The following RAP1GDS1 variants were observed in gnomAD, a reference collection of about 807,000 sequenced individuals.
RAP1GDS1 encodes RAP1, GTP-GDP dissociation stimulator 1.
Under a neutral mutation model 71.1 loss-of-function variants are expected in RAP1GDS1, and 35 were observed. The observed-to-expected ratio is 0.49, with a 90% CI of 0.38 to 0.65. RAP1GDS1 has a LOEUF of 0.65. Ranked by LOEUF, RAP1GDS1 falls within the 30% of genes least tolerant of loss-of-function variation. The probability of loss-of-function intolerance (pLI) is 0.00; values close to 1 mark genes in which losing one functional copy is unlikely to be tolerated. For missense variants in RAP1GDS1, 663 were observed against 706.1 expected, an observed-to-expected ratio of 0.94 and a Z score of 0.69; for synonymous variants, 229 against 243.1, an observed-to-expected ratio of 0.94 and a Z score of 0.54.
intron 1 of RAP1GDS1, among the ~76,000 whole-genome samples, chr4:98,267,516 C>T (rs377707268): frequency 6.6e-6 from 1 of 152,070 alleles, no homozygotes; most frequent in Admixed American, 6.5e-5. Flanking sequence ...TCTAGTAGTC[C>T]CCAGTATCTG....
intron 7 of RAP1GDS1, among the ~76,000 whole-genome samples, chr4:98,407,840 T>A (rs867805561): frequency 2.5e-4 from 38 of 150,786 alleles, no homozygotes; most frequent in Middle Eastern, 3.4e-3. Flanking sequence ...TTAAAAAAAA[T>A]AATAATAAGC....
chr4:98,395,534 A>T (rs1744403054), intron 6 of RAP1GDS1, among the ~76,000 whole-genome samples: 1 of 152,232 alleles, frequency 6.6e-6, no homozygotes, highest in South Asian at 2.1e-4. Context: ...AGTCAAAGGC[A>T]GGGAATGGTT....
chr4:98,406,787 T>A (rs1450987438), intron 7 of RAP1GDS1, among the ~76,000 whole-genome samples: 1 of 152,140 alleles, frequency 6.6e-6, no homozygotes, highest in Non-Finnish European at 1.5e-5. Flanking sequence ...ATACAAAGTA[T>A]TTCTTTGACC....
At chr4:98,281,088 T>C (rs1725014384) in intron 1 of RAP1GDS1, among the ~76,000 whole-genome samples, 1 of 152,216 alleles carries the variant, frequency 6.6e-6, no homozygotes, top group Non-Finnish European at 1.5e-5. Flanking sequence ...GTCTTGGCAA[T>C]GTGGGCTCTT....
chr4:98,284,141 G>T (rs1264740876), intron 1 of RAP1GDS1, among the ~76,000 whole-genome samples: 1 of 152,076 alleles, frequency 6.6e-6, no homozygotes, highest in Non-Finnish European at 1.5e-5. Context: ...ATTACAGTCA[G>T]ATAATAATAT....
At chr4:98,441,052 G>C (rs565611698) in intron 14 of RAP1GDS1, among the ~76,000 whole-genome samples, 1 of 152,302 alleles carries the variant, frequency 6.6e-6, no homozygotes, top group South Asian at 2.1e-4. Context: ...TTTGTAGTAA[G>C]TTTTGATATC....
At chr4:98,365,744 G>T (rs1360151537) in intron 4 of RAP1GDS1, among the ~76,000 whole-genome samples, 3 of 152,032 alleles carry the variant, frequency 2.0e-5, no homozygotes, top group Admixed American at 6.6e-5. Flanking sequence ...TATCACTTTT[G>T]TTCGATTTTT....
intron 2 of RAP1GDS1, among the ~76,000 whole-genome samples, chr4:98,300,812 A>G (rs1240469437): frequency 1.3e-5 from 2 of 152,190 alleles, no homozygotes; most frequent in African/African-American, 4.8e-5. Context: ...TTTGGAACCA[A>G]ACTCACAATA....
chr4:98,349,316 A>G (rs1178357888), intron 3 of RAP1GDS1, among the ~76,000 whole-genome samples: 4 of 152,066 alleles, frequency 2.6e-5, no homozygotes, highest in Non-Finnish European at 5.9e-5. Context: ...GTTCTGTTCC[A>G]TTGGTCTAGC....
At chr4:98,353,500 A>G (rs1051673683) in intron 4 of RAP1GDS1, among the ~76,000 whole-genome samples, 2 of 152,342 alleles carry the variant, frequency 1.3e-5, no homozygotes, top group Admixed American at 1.3e-4. Flanking sequence ...CCAGAAAGAA[A>G]GGACATAAAT....
chr4:98,442,423 A>T lies in RAP1GDS1; in HGVS notation c.*306A>T. Reference sequence around the variant, plus strand: ...GATGTAAACTTGGTACTACATAATGACTTGCTCCACACATGCAGTAAACTA... The same window carrying T: ...GATGTAAACTTGGTACTACATAATGTCTTGCTCCACACATGCAGTAAACTA... On this transcript the variant is annotated 3_prime_UTR_variant, in exon 15 of 15. Transcript: ENST00000408927. The T allele has an allele frequency of 3.7e-6, 1 of 268,410 alleles. No homozygotes were observed. The allele number at this position is 268,410 out of a possible 1,614,324, so 16.6% of individuals were successfully genotyped here.
chr4:98,419,905 A>G, intron 10 of RAP1GDS1, 114 bp from the exon 11 acceptor site: 2 of 1,127,678 alleles, frequency 1.8e-6, no homozygotes, highest in Non-Finnish European at 2.4e-6. Context: ...GATTGTTTCT[A>G]AATGGAAAAA....
At chr4:98,327,266 C>T (rs371816194) in intron 2 of RAP1GDS1, among the ~76,000 whole-genome samples, 16 of 151,900 alleles carry the variant, frequency 1.1e-4, no homozygotes, top group African/African-American at 3.6e-4. Flanking sequence ...AATACATGTG[C>T]CATGATAAAC....
chr4:98,279,829 G>C (rs997367116), intron 1 of RAP1GDS1, among the ~76,000 whole-genome samples: 1 of 152,064 alleles, frequency 6.6e-6, no homozygotes, highest in African/African-American at 2.4e-5. Flanking sequence ...TCATTGTTCA[G>C]TTCCCACCTA....
intron 14 of RAP1GDS1, chr4:98,441,220 G>T (rs970053725): frequency 4.0e-6 from 2 of 504,544 alleles, no homozygotes; most frequent in Non-Finnish European, 5.1e-6. Context: ...AAACACATCA[G>T]TTTCAGTAGT....
intron 2 of RAP1GDS1, among the ~76,000 whole-genome samples, chr4:98,337,841 G>A (rs1734917553): frequency 6.6e-6 from 1 of 152,270 alleles, no homozygotes; most frequent in South Asian, 2.1e-4. Flanking sequence ...TATGGCTAGA[G>A]TGTAGGATGT....
At chr4:98,424,607 A>G (rs1749344921) in intron 12 of RAP1GDS1, among the ~76,000 whole-genome samples, 1 of 152,076 alleles carries the variant, frequency 6.6e-6, no homozygotes, top group Non-Finnish European at 1.5e-5. Flanking sequence ...CTAAAAATGC[A>G]AAAATTAGCC....
intron 11 of RAP1GDS1, 109 bp from the exon 12 acceptor site, chr4:98,421,146 T>C: frequency 8.3e-7 from 1 of 1,208,862 alleles, no homozygotes; most frequent in Non-Finnish European, 1.1e-6. Context: ...TTAATGAAAT[T>C]GTCGTGCTGT....
chr4:98,342,482 G>T (rs1327449214), intron 2 of RAP1GDS1, among the ~76,000 whole-genome samples: 3 of 142,722 alleles, frequency 2.1e-5, no homozygotes, highest in African/African-American at 8.7e-5. Flanking sequence ...TGTTTTTATA[G>T]GCCCATTATT....
Sources: allele counts gnomAD v4.1 joint callset (sites outside exome capture counted in the v4.1 genomes callset), GRCh38; gene constraint gnomAD v4.1.1; transcripts MANE v1.5; gene names NCBI Gene and HGNC (gene_info 2026-07-23, HGNC 2026-07-21).